The following ACTR6 variants were observed in gnomAD, a reference collection of about 807,000 sequenced individuals.
ACTR6 encodes actin related protein 6, also known as actin-related protein 6.
Under a neutral mutation model 52.5 loss-of-function variants are expected in ACTR6, and 50 were observed. That is an observed-to-expected ratio of 0.95 (90% CI 0.76 to 1.20). The LOEUF (loss-of-function observed/expected upper bound fraction) is 1.20, where lower values mean the gene tolerates loss of function less well. Among genes scored for constraint, ACTR6 ranks in the 50% most tolerant of loss-of-function variants. ACTR6 has a pLI of 0.00. For synonymous variants in ACTR6, 135 were observed against 147.2 expected (o/e 0.92, Z 0.60); for missense variants, 344 against 472.4 (o/e 0.73, Z 2.52).
chr12:100,219,851 C>G (rs1194540678), intron 9 of ACTR6, among the ~76,000 whole-genome samples, 157 bp from the exon 10 acceptor site: 2 of 152,268 alleles, frequency 1.3e-5, no homozygotes, highest in East Asian at 3.9e-4. Flanking sequence ...AACCTCATTA[C>G]AAATCTTAGA....
chr12:100,220,824 G>A (rs751265331), intron 10 of ACTR6, among the ~76,000 whole-genome samples: 11 of 151,866 alleles, frequency 7.2e-5, no homozygotes, highest in Non-Finnish European at 1.0e-4. Flanking sequence ...GTGAAGCCCC[G>A]TCTCTACAAA....
intron 10 of ACTR6, among the ~76,000 whole-genome samples, chr12:100,221,034 AG>A (rs1324465378): frequency 1.4e-3 from 215 of 152,064 alleles, no homozygotes; most frequent in Non-Finnish European, 2.3e-3. Context: ...AAACAAAAAA[AG>A]AAGGTAGAAT....
chr12:100,205,541 A>G, intron 2 of ACTR6, 135 bp from the exon 3 acceptor site: 1 of 555,998 alleles, frequency 1.8e-6, no homozygotes, highest in East Asian at 3.6e-5. Context: ...ACAGCATTAC[A>G]CTGGAAATGG....
At chr12:100,220,342 C>T (rs1256546803) in intron 10 of ACTR6, among the ~76,000 whole-genome samples, 196 bp downstream of exon 10, 1 of 152,104 alleles carries the variant, frequency 6.6e-6, no homozygotes. Flanking sequence ...TGTAAAGTGC[C>T]AGCCATAATG....
chr12:100,208,283 CT>C lies in ACTR6; in HGVS notation c.379+509del, dbSNP rs974819133. ...AAATAAGTCTTGGATTTTTCTTTTT[CT>C]TTTTTTTTTTTCCGAGATGGGGTTC... is the stretch of plus-strand genomic sequence containing the variant. On this transcript the variant is annotated intron_variant, in intron 4 of 10. Coordinates refer to ENST00000188312, the MANE Select transcript of ACTR6 (RefSeq NM_022496.5). Among the ~76,000 whole-genome samples the C allele has an allele frequency of 8.8e-4, 129 of 145,952 alleles. 1 individual carries two copies. Among genetic ancestry groups the C allele is most frequent in the East Asian group, 8.3e-3 (42 of 5,068 alleles).
chr12:100,208,766 A>G (rs1283034924), intron 4 of ACTR6: 1 of 455,838 alleles, frequency 2.2e-6, no homozygotes, highest in Non-Finnish European at 4.4e-6. Context: ...GTTTTTGTTA[A>G]GTCAGGGTCT....
Position 100,223,859 on chromosome 12 carries a change from A to G in ACTR6, c.1135A>G (p.Arg379Gly). ...TGATTTTGAAGATATGGTGGTAACA[A>G]GAGAAGATTACGAAGAAAATGGACA... is the stretch of plus-strand genomic sequence containing the variant. ...NDDFEDMVVT[R>G]EDYEENGHSV... Residue 379 changes from arginine to glycine, a missense_variant, in exon 11 of 11, where the codon AGA becomes GGA. Transcript: ENST00000188312. The G allele has an allele frequency of 6.2e-7, 1 of 1,611,838 alleles. No individual in the cohort carries two copies. Among genetic ancestry groups the G allele is most frequent in the Non-Finnish European group, 8.5e-7 (1 of 1,179,390 alleles).
chr12:100,209,662 T>C (rs1310492872), intron 4 of ACTR6, among the ~76,000 whole-genome samples: 1 of 152,212 alleles, frequency 6.6e-6, no homozygotes, highest in Non-Finnish European at 1.5e-5. Context: ...CTGTGTGGCT[T>C]TGAGCACATT....
chr12:100,212,053 C>T (rs1417823403), intron 6 of ACTR6, among the ~76,000 whole-genome samples: 1 of 152,108 alleles, frequency 6.6e-6, no homozygotes, highest in Admixed American at 6.6e-5. Context: ...ATAAACTAGA[C>T]TAATACCTAC....
At chr12:100,203,062 A>G (rs1223464160) in intron 1 of ACTR6, among the ~76,000 whole-genome samples, 3 of 152,210 alleles carry the variant, frequency 2.0e-5, no homozygotes. Context: ...TTGCATGCAC[A>G]GTTCAAAATA....
Position 100,218,894 on chromosome 12 carries a change from G to A in ACTR6, c.922+308G>A, listed in dbSNP as rs2096125878. On this transcript the variant is annotated intron_variant, in intron 9 of 10. Transcript: ENST00000188312. The surrounding 1 kb of genome is among the most constrained non-coding windows in gnomAD (Gnocchi z 4.2). ...GAAAGTTTTAATTTAACCCAGATCTGTACAGAATATAAATTTATAATGTAA... is the reference window on the plus strand; with the variant it reads ...GAAAGTTTTAATTTAACCCAGATCTATACAGAATATAAATTTATAATGTAA... Among the ~76,000 whole-genome samples, 1 of 151,940 alleles carries A rather than the reference G, an allele frequency of 6.6e-6. No individual in the cohort carries two copies. Among genetic ancestry groups the A allele is most frequent in the South Asian group, 2.1e-4 (1 of 4,828 alleles).
intron 3 of ACTR6, among the ~76,000 whole-genome samples, chr12:100,207,002 A>G (rs1392790535): frequency 6.6e-6 from 1 of 151,910 alleles, no homozygotes; most frequent in African/African-American, 2.4e-5. Flanking sequence ...ATTTAGAAAC[A>G]TAACAGCCCC....
intron 1 of ACTR6, chr12:100,204,112 T>G (rs2096112365): frequency 6.6e-6 from 1 of 152,238 alleles, no homozygotes; most frequent in African/African-American, 2.4e-5. Context: ...GGATCCAGTA[T>G]AGAACTTGTT....
intron 8 of ACTR6, among the ~76,000 whole-genome samples, chr12:100,214,598 G>A (rs1386526665): frequency 6.6e-6 from 1 of 151,826 alleles, no homozygotes; most frequent in Admixed American, 6.6e-5. Flanking sequence ...AGCTGGGCAT[G>A]GTGTCACACA....
At chr12:100,205,647 A>G in intron 2 of ACTR6, 29 bp from the exon 3 acceptor site, 1 of 1,293,092 alleles carries the variant, frequency 7.7e-7, no homozygotes, top group Non-Finnish European at 1.1e-6. Context: ...AATGTTCTTG[A>G]TAATTAAATT....
At chr12:100,201,013 C>T in intron 1 of ACTR6, 94 bp downstream of exon 1, 2 of 1,596,636 alleles carry the variant, frequency 1.3e-6, no homozygotes, top group South Asian at 1.1e-5. Context: ...CTGCAGACAC[C>T]CCCGCGCGGC....
rs1177959895 is a variant in ACTR6 at position 100,204,952 on chromosome 12, T to C, written c.81T>C (p.Asn27=). Residue 27 remains asparagine (N), a synonymous_variant, in exon 2 of 11, where the codon AAT becomes AAC. Transcript: ENST00000188312. ...YSHENVSVIP[N]CQFRSKTARL... ...TCCTTGTTTCTAGGGTTATTCCTAATTGTCAGTTCCGGTCAAAAACAGCAC... is the reference window on the plus strand; with the variant it reads ...TCCTTGTTTCTAGGGTTATTCCTAACTGTCAGTTCCGGTCAAAAACAGCAC... 3.7e-6 allele frequency: 6 copies of C among 1,603,916 alleles called. No homozygotes were observed. Among genetic ancestry groups the C allele is most frequent in the Non-Finnish European group, 5.1e-6 (6 of 1,172,640 alleles).
chr12:100,212,857 A>T (rs544768653), intron 8 of ACTR6, among the ~76,000 whole-genome samples: 20 of 151,896 alleles, frequency 1.3e-4, no homozygotes, highest in African/African-American at 4.8e-4. Flanking sequence ...TACAAAAAAA[A>T]TTAGCCAGGT....
intron 8 of ACTR6, among the ~76,000 whole-genome samples, chr12:100,215,919 A>G (rs1187879684): frequency 6.6e-6 from 1 of 152,202 alleles, no homozygotes; most frequent in Admixed American, 6.5e-5. Context: ...GGGAAGTTAC[A>G]TACTTGATTT....
Sources: gnomAD v4.1 joint callset for allele counts (sites outside exome capture counted in the v4.1 genomes callset) on GRCh38, gnomAD v4.1.1 for gene constraint, Gnocchi (gnomAD v3.1) non-coding constraint, MANE v1.5 for transcripts, NCBI Gene and HGNC (gene_info 2026-07-23, HGNC 2026-07-21) for gene names.